ARHGAP15: variants seen among roughly 807,000 people sequenced by gnomAD.
ARHGAP15 encodes the protein Rho GTPase activating protein 15.
In ARHGAP15, 51 loss-of-function variants were observed where a neutral mutation model predicts 63.7. That is an observed-to-expected ratio of 0.80 (90% CI 0.64 to 1.01). ARHGAP15 has a LOEUF of 1.01. Among genes scored for constraint, ARHGAP15 ranks in the 50% least tolerant of loss-of-function variants. ARHGAP15 has a pLI of 0.00. For missense variants in ARHGAP15, 560 were observed against 564.6 expected (o/e 0.99, Z 0.08); for synonymous variants, 191 against 193.8 (o/e 0.99, Z 0.12).
intron 8 of ARHGAP15, among the ~76,000 whole-genome samples, chr2:143,485,342 T>C (rs1692277559): frequency 1.3e-5 from 2 of 152,198 alleles, no homozygotes; most frequent in Non-Finnish European, 2.9e-5. Context: ...TCTCACATGA[T>C]AGTCACTGTA....
intron 4 of ARHGAP15, among the ~76,000 whole-genome samples, chr2:143,217,009 C>T (rs770813012): frequency 7.2e-5 from 11 of 152,026 alleles, no homozygotes; most frequent in African/African-American, 2.4e-4. Flanking sequence ...TGGTATATAC[C>T]GTATGTTTAG....
intron 10 of ARHGAP15, among the ~76,000 whole-genome samples, chr2:143,551,124 CAT>C (rs1361470287): frequency 6.6e-6 from 1 of 152,132 alleles, no homozygotes; most frequent in Non-Finnish European, 1.5e-5. Context: ...AGAAATATGA[CAT>C]ATTAACATTA....
At chr2:143,292,573 C>T (rs1053057872) in intron 6 of ARHGAP15, among the ~76,000 whole-genome samples, 5 of 151,916 alleles carry the variant, frequency 3.3e-5, no homozygotes, top group African/African-American at 9.7e-5. Context: ...TATAGAGTAA[C>T]AGCCTGTAAA....
intron 2 of ARHGAP15, among the ~76,000 whole-genome samples, chr2:143,189,151 C>T (rs1017786946): frequency 9.9e-5 from 15 of 152,170 alleles, no homozygotes; most frequent in African/African-American, 3.4e-4. Context: ...AAGCATTCTT[C>T]TAGCCTCCAG....
intron 6 of ARHGAP15, among the ~76,000 whole-genome samples, chr2:143,252,015 C>T (rs1680180502): frequency 6.6e-6 from 1 of 151,974 alleles, no homozygotes; most frequent in African/African-American, 2.4e-5. Flanking sequence ...CGGGAAAGCT[C>T]AGTGGTAGAG....
At chr2:143,158,601 GA>G (rs1367454486) in intron 2 of ARHGAP15, among the ~76,000 whole-genome samples, 2 of 151,920 alleles carry the variant, frequency 1.3e-5, no homozygotes, top group African/African-American at 4.8e-5. Flanking sequence ...AAATGTTGGA[GA>G]GGTGGGCAGT....
chr2:143,293,601 C>T (rs754148005), intron 6 of ARHGAP15, among the ~76,000 whole-genome samples: 4 of 152,024 alleles, frequency 2.6e-5, no homozygotes, highest in Non-Finnish European at 5.9e-5. Flanking sequence ...TCTTAAACCA[C>T]ATCAATGTGT....
intron 5 of ARHGAP15, among the ~76,000 whole-genome samples, chr2:143,242,905 A>T (rs547705086): frequency 6.6e-6 from 1 of 152,200 alleles, no homozygotes; most frequent in African/African-American, 2.4e-5. Flanking sequence ...TAATTCCTCT[A>T]AACAGATTTT....
intron 4 of ARHGAP15, among the ~76,000 whole-genome samples, chr2:143,225,080 C>T (rs1039466891): frequency 3.5e-4 from 54 of 152,208 alleles, no homozygotes; most frequent in Non-Finnish European, 7.3e-5. Context: ...TCCAGGGCCC[C>T]ATGCTCAGAA....
At chr2:143,205,972 T>C (rs1229617632) in intron 3 of ARHGAP15, among the ~76,000 whole-genome samples, 3 of 152,120 alleles carry the variant, frequency 2.0e-5, no homozygotes, top group East Asian at 1.9e-4. Context: ...CTTCTTTCAA[T>C]AGTACTTTCA....
intron 1 of ARHGAP15, among the ~76,000 whole-genome samples, chr2:143,138,835 T>G (rs1040283440): frequency 6.6e-6 from 1 of 152,112 alleles, no homozygotes; most frequent in African/African-American, 2.4e-5. Flanking sequence ...TAATTAATAT[T>G]TTGGCATTTA....
At chr2:143,683,144 C>CT (rs1003845984) in intron 12 of ARHGAP15, among the ~76,000 whole-genome samples, 3 of 152,040 alleles carry the variant, frequency 2.0e-5, no homozygotes, top group Non-Finnish European at 2.9e-5. Context: ...ATTCTGTGAC[C>CT]TTTTTTTCTC....
At chr2:143,580,132 A>T (rs1696836797) in intron 11 of ARHGAP15, among the ~76,000 whole-genome samples, 1 of 151,654 alleles carries the variant, frequency 6.6e-6, no homozygotes, top group African/African-American at 2.4e-5. Context: ...TGCAGTAGAA[A>T]CTCGAACAAT....
At chr2:143,192,226 GT>G (rs1170074685) in intron 2 of ARHGAP15, among the ~76,000 whole-genome samples, 1 of 152,200 alleles carries the variant, frequency 6.6e-6, no homozygotes, top group African/African-American at 2.4e-5. Context: ...GGAGCCAAAA[GT>G]TTTTAGGCCC....
intron 10 of ARHGAP15, among the ~76,000 whole-genome samples, chr2:143,543,949 TCTTTCTA>T (rs1695217678): frequency 6.6e-6 from 1 of 152,180 alleles, no homozygotes. Context: ...GGAAGGCTAA[TCTTTCTA>T]CTTTATATTG....
At chr2:143,263,619 A>G (rs1157115626) in intron 6 of ARHGAP15, among the ~76,000 whole-genome samples, 1 of 152,198 alleles carries the variant, frequency 6.6e-6, no homozygotes, top group Non-Finnish European at 1.5e-5. Flanking sequence ...CATCTGGTAC[A>G]TTGGCTTACC....
chr2:143,677,287 T>G (rs756362875), intron 12 of ARHGAP15, among the ~76,000 whole-genome samples: 1 of 152,268 alleles, frequency 6.6e-6, no homozygotes, highest in Non-Finnish European at 1.5e-5. Flanking sequence ...GTGTATCTGT[T>G]AACTGAACCA....
rs577055413 is a variant in ARHGAP15, at chr2:143,213,489, C to T, written c.235-2895C>T. Among the ~76,000 whole-genome samples the T allele has an allele frequency of 9.2e-5, 14 of 151,846 alleles. No individual in the cohort carries two copies. In the East Asian group the frequency reaches 9.7e-4, roughly 11 times the overall value. ...GATTGCGCCATTGCACTCCAGCCCACGCAACAAAAGCAAAACTCCGTCTCA... is the reference window on the plus strand; with the variant it reads ...GATTGCGCCATTGCACTCCAGCCCATGCAACAAAAGCAAAACTCCGTCTCA... On this transcript the variant is annotated intron_variant, in intron 3 of 13. Coordinates refer to ENST00000295095, the MANE Select transcript of ARHGAP15 (RefSeq NM_018460.4).
chr2:143,329,637 G>A (rs562224246), intron 6 of ARHGAP15, among the ~76,000 whole-genome samples: 1 of 152,090 alleles, frequency 6.6e-6, no homozygotes, highest in African/African-American at 2.4e-5. Flanking sequence ...ACTGTGTTTT[G>A]AGCTGTTAAA....
Sources: gnomAD v4.1 joint callset for allele counts (sites outside exome capture counted in the v4.1 genomes callset) on GRCh38, gnomAD v4.1.1 for gene constraint, MANE v1.5 for transcripts, NCBI Gene and HGNC (gene_info 2026-07-23, HGNC 2026-07-21) for gene names.